The following ATXN1 variants were observed in gnomAD, a reference collection of about 807,000 sequenced individuals.
ATXN1 encodes the protein ataxin 1.
ATXN1 carries 8 observed loss-of-function variants against 56.4 expected under a neutral mutation model. The observed-to-expected ratio is 0.14, with a 90% CI of 0.08 to 0.26. The LOEUF (loss-of-function observed/expected upper bound fraction) is 0.26, where lower values mean the gene tolerates loss of function less well. ATXN1 is among the 10% of genes least tolerant of loss of function. The pLI is 1.00. For missense variants in ATXN1, 987 were observed against 1,106.5 expected (o/e 0.89, Z 1.53); for synonymous variants, 514 against 494.6 (o/e 1.04, Z -0.52).
chr6:16,699,099 T>G, intron 2 of ATXN1, among the ~76,000 whole-genome samples: 1 of 152,148 alleles, frequency 6.6e-6, no homozygotes, highest in Non-Finnish European at 1.5e-5. Flanking sequence ...AAGGAATAAA[T>G]GTGGGGCTAC....
intron 6 of ATXN1, among the ~76,000 whole-genome samples, chr6:16,404,674 A>G (rs1262796917): frequency 6.6e-6 from 1 of 151,646 alleles, no homozygotes; most frequent in Non-Finnish European, 1.5e-5. Flanking sequence ...CATGTGCACC[A>G]TACGCACATG....
intron 5 of ATXN1, among the ~76,000 whole-genome samples, chr6:16,500,612 A>G (rs1760864278): frequency 6.6e-6 from 1 of 152,124 alleles, no homozygotes; most frequent in Admixed American, 6.6e-5. Flanking sequence ...CCTCAAGGGT[A>G]TATCTGAATT....
At chr6:16,444,979 C>G (rs1266866387) in intron 6 of ATXN1, among the ~76,000 whole-genome samples, 2 of 152,140 alleles carry the variant, frequency 1.3e-5, no homozygotes, top group Non-Finnish European at 2.9e-5. Context: ...CATCCAAACC[C>G]AGACGGGTGG....
At chr6:16,594,121 AATAT>A (rs1056506178) in intron 3 of ATXN1, among the ~76,000 whole-genome samples, 1 of 147,230 alleles carries the variant, frequency 6.8e-6, no homozygotes, top group Admixed American at 7.0e-5. Context: ...TAGTCTAATT[AATAT>A]ATATATTAGT....
At chr6:16,621,431 A>C (rs1763318130) in intron 3 of ATXN1, among the ~76,000 whole-genome samples, 1 of 152,268 alleles carries the variant, frequency 6.6e-6, no homozygotes, top group Non-Finnish European at 1.5e-5. Context: ...CATACAGAGA[A>C]TTAAACAAGG....
At position 16,410,167 on chromosome 6, in the gene ATXN1, C is replaced by T. The variant is rs1286961217; in HGVS notation, c.-161+75805G>A. ...TGCCTCGGCCTCTTGCTTACTATGA[C>T]GCCGTGTGAATCACAGCATCTAGCG... is the stretch of plus-strand genomic sequence containing the variant. On this transcript the variant is annotated intron_variant, in intron 6 of 7. Coordinates refer to ENST00000436367, the MANE Select transcript of ATXN1 (RefSeq NM_001128164.2). This position sits in a 1 kb window ranked among gnomAD's most constrained non-coding sequence, Gnocchi z 4.6. Among the ~76,000 whole-genome samples, 4 of 152,204 alleles carry T rather than the reference C, an allele frequency of 2.6e-5. No individual in the cohort carries two copies. Among genetic ancestry groups the T allele is most frequent in the South Asian group, 2.1e-4 (1 of 4,838 alleles).
intron 4 of ATXN1, among the ~76,000 whole-genome samples, chr6:16,578,179 C>T: frequency 6.6e-6 from 1 of 152,020 alleles, no homozygotes; most frequent in Non-Finnish European, 1.5e-5. Context: ...TTTTTGGTAA[C>T]GTTCTATTTT....
chr6:16,304,329 T>C lies in ATXN1; in HGVS notation c.*2000A>G, dbSNP rs2113369392. 6.6e-6 allele frequency: 1 copy of C among 152,592 alleles called. No individual in the cohort carries two copies. The highest frequency in any genetic ancestry group is 1.9e-4 in the East Asian group (1 of 5,182). 9.5% of individuals were successfully genotyped at this position (152,592 alleles called of 1,614,324 possible). On this transcript the variant is annotated 3_prime_UTR_variant, in exon 8 of 8. Transcript: ENST00000436367. ...TTTTTAAAGCACTTTAAAGATGCAT[T>C]CAAAACCCACAAATGATATTTCGGA...
intron 6 of ATXN1, among the ~76,000 whole-genome samples, chr6:16,472,740 C>A (rs1760243843): frequency 6.6e-6 from 1 of 152,210 alleles, no homozygotes; most frequent in Non-Finnish European, 1.5e-5. Flanking sequence ...GTTTTTCAAA[C>A]CCTCTCCTGT....
chr6:16,312,436 G>A (rs900109622), intron 7 of ATXN1, among the ~76,000 whole-genome samples: 2 of 151,630 alleles, frequency 1.3e-5, no homozygotes, highest in African/African-American at 2.4e-5. Flanking sequence ...TTTCCTGCAC[G>A]TAGGCTAGGA....
rs952556460 is a variant in ATXN1 at position 16,306,402 on chromosome 6, G to C, written c.2375C>G (p.Thr792Ser). The change falls in exon 8 of 8, where the codon ACT becomes AGT. Residue 792 changes from threonine (T) to serine (S), a missense_variant. By Grantham distance (58) the Thr-to-Ser change is moderately conservative. Around this residue, in one of 3 missense-constraint regions of ATXN1, gnomAD observed 196 missense variants for 196.7 expected, o/e 1.00. Coordinates refer to ENST00000436367, the MANE Select transcript of ATXN1 (RefSeq NM_001128164.2). This position sits in a 1 kb window ranked among gnomAD's most constrained non-coding sequence, Gnocchi z 5.2. ...LEKSEDEPPLTLPKPSLIPQE... is the reference protein window; with the variant it reads ...LEKSEDEPPLSLPKPSLIPQE... The stretch of plus-strand genomic sequence containing the variant: ...AGGAATTAGAGAAGGCTTAGGAAGA[G>C]TCAAAGGTGGTTCGTCTTCTGACTT... The C allele has an allele frequency of 6.2e-7, 1 of 1,614,140 alleles. No individual in the cohort carries two copies. The highest frequency in any genetic ancestry group is 8.5e-7 in the Non-Finnish European group (1 of 1,180,026).
chr6:16,330,739 A>T (rs182609606), intron 6 of ATXN1, among the ~76,000 whole-genome samples: 1 of 152,258 alleles, frequency 6.6e-6, no homozygotes, highest in East Asian at 1.9e-4. Context: ...TCATCAATGA[A>T]CATCATAATG....
intron 6 of ATXN1, among the ~76,000 whole-genome samples, chr6:16,338,460 T>G (rs1414328703): frequency 6.6e-6 from 1 of 152,188 alleles, no homozygotes; most frequent in Non-Finnish European, 1.5e-5. Flanking sequence ...ACCACTGCAC[T>G]CCAGCCTGGG....
intron 3 of ATXN1, among the ~76,000 whole-genome samples, chr6:16,634,324 G>T (rs1763555763): frequency 6.6e-6 from 1 of 152,010 alleles, no homozygotes; most frequent in South Asian, 2.1e-4. Flanking sequence ...TCTTGAGCAG[G>T]TTCTCCTCTT....
At chr6:16,586,896 G>A (rs9358099) in intron 3 of ATXN1, among the ~76,000 whole-genome samples, 120 of 152,036 alleles carry the variant, frequency 7.9e-4, no homozygotes, top group African/African-American at 2.5e-3. Context: ...GTGCGTGCCC[G>A]TAATCCCAGC....
chr6:16,377,502 G>A (rs966481933), intron 6 of ATXN1, among the ~76,000 whole-genome samples: 7 of 152,120 alleles, frequency 4.6e-5, no homozygotes, highest in African/African-American at 1.7e-4. Context: ...ATGAGGGTCC[G>A]GAGGGTCAGA....
At chr6:16,662,914 TG>T (rs1758348466) in intron 2 of ATXN1, among the ~76,000 whole-genome samples, 1 of 151,668 alleles carries the variant, frequency 6.6e-6, no homozygotes, top group Non-Finnish European at 1.5e-5. Context: ...AACTACTCAG[TG>T]GTAAGGAAAA....
At chr6:16,562,960 A>C (rs1191891345) in intron 4 of ATXN1, among the ~76,000 whole-genome samples, 1 of 151,844 alleles carries the variant, frequency 6.6e-6, no homozygotes, top group Non-Finnish European at 1.5e-5. Context: ...ACAAAGCCTC[A>C]GAGAAGTCAG....
Position 16,760,096 on chromosome 6 carries a change from C to T in ATXN1, c.-730+1202G>A, listed in dbSNP as rs935310650. ...GTCCGGCCCCCTTCCCTGCCCCCTGCGGGACCGGCCTGCGCGCAGCACTGG... is the reference window on the plus strand; with the variant it reads ...GTCCGGCCCCCTTCCCTGCCCCCTGTGGGACCGGCCTGCGCGCAGCACTGG... On this transcript the variant is annotated intron_variant, in intron 1 of 7. Coordinates refer to ENST00000436367, the MANE Select transcript of ATXN1 (RefSeq NM_001128164.2). This position sits in a 1 kb window ranked among gnomAD's most constrained non-coding sequence, Gnocchi z 5.3. 2.0e-5 allele frequency among the ~76,000 whole-genome samples: 3 copies of T among 152,062 alleles called. No homozygotes were observed. The highest frequency in any genetic ancestry group is 7.2e-5 in the African/African-American group (3 of 41,414).
Sources: gnomAD v4.1 joint callset for allele counts (sites outside exome capture counted in the v4.1 genomes callset) on GRCh38, gnomAD v4.1.1 for gene constraint, gnomAD v4.1.1 regional missense constraint, Gnocchi (gnomAD v3.1) non-coding constraint, MANE v1.5 for transcripts, NCBI Gene and HGNC (gene_info 2026-07-23, HGNC 2026-07-21) for gene names.